The following RBPJ variants were observed in gnomAD, a reference collection of about 807,000 sequenced individuals.
The protein encoded by RBPJ is recombining binding protein suppressor of hairless.
Under a neutral mutation model 67.8 loss-of-function variants are expected in RBPJ, and 9 were observed. The observed-to-expected ratio is 0.13, with a 90% CI of 0.08 to 0.23. The LOEUF (loss-of-function observed/expected upper bound fraction) is 0.23, where lower values mean the gene tolerates loss of function less well. RBPJ is among the 10% of genes least tolerant of loss of function. The pLI, the probability that RBPJ is intolerant of heterozygous loss-of-function variation, is 1.00. For synonymous variants in RBPJ, 198 were observed against 203.3 expected (o/e 0.97, Z 0.22); for missense variants, 305 against 595.6 (o/e 0.51, Z 5.08).
intron 1 of RBPJ, among the ~76,000 whole-genome samples, chr4:26,212,432 C>CTTTTTTTTTTTTTTT (rs370447105): frequency 2.7e-5 from 3 of 112,234 alleles, no homozygotes; most frequent in Admixed American, 9.8e-5. Flanking sequence ...CTTTTCTTTT[C>CTTTTTTTTTTTTTTT]TTTTTTTTTT....
chr4:26,322,564 C>T (rs990077111), intron 1 of RBPJ, among the ~76,000 whole-genome samples: 4 of 151,926 alleles, frequency 2.6e-5, no homozygotes, highest in African/African-American at 9.7e-5. Flanking sequence ...AGGACAGCAC[C>T]GAAGAGTGCA....
chr4:26,336,338 G>A (rs539449852), intron 1 of RBPJ, among the ~76,000 whole-genome samples: 1 of 152,126 alleles, frequency 6.6e-6, no homozygotes, highest in Non-Finnish European at 1.5e-5. Context: ...ATTATTTAGA[G>A]ATCTAGGTAC....
chr4:26,283,135 T>C (rs2109277256), intron 1 of RBPJ, among the ~76,000 whole-genome samples: 1 of 148,828 alleles, frequency 6.7e-6, no homozygotes, highest in Middle Eastern at 3.5e-3. Context: ...TTCACCGTGT[T>C]AGCCAGGATG....
chr4:26,294,551 C>T (rs1357092984), intron 1 of RBPJ, among the ~76,000 whole-genome samples: 4 of 152,028 alleles, frequency 2.6e-5, no homozygotes, highest in African/African-American at 9.7e-5. Flanking sequence ...GGTGATGGTG[C>T]CCCGGACTAG....
At chr4:26,354,177 CGCCTCG>C (rs1019442333) in intron 1 of RBPJ, among the ~76,000 whole-genome samples, 113 of 149,718 alleles carry the variant, frequency 7.5e-4, no homozygotes, top group African/African-American at 2.7e-3. Context: ...GTGATCCACC[CGCCTCG>C]GCCTCCCAAA....
intron 8 of RBPJ, 55 bp downstream of exon 8, chr4:26,428,915 G>A: frequency 7.1e-7 from 1 of 1,405,084 alleles, no homozygotes; most frequent in Non-Finnish European, 9.9e-7. Context: ...GAGGTTAGCA[G>A]CTTGCAAAAA....
At chr4:26,223,587 C>T (rs1486751665) in intron 1 of RBPJ, among the ~76,000 whole-genome samples, 2 of 152,176 alleles carry the variant, frequency 1.3e-5, no homozygotes, top group African/African-American at 4.8e-5. Context: ...TTCAGAGAGG[C>T]TGGAGTGAGC....
At chr4:26,382,576 C>T (rs1437652503) in intron 1 of RBPJ, among the ~76,000 whole-genome samples, 1 of 152,058 alleles carries the variant, frequency 6.6e-6, no homozygotes, top group African/African-American at 2.4e-5. Context: ...GGGTCTCAAT[C>T]CTGTTGCCCA....
intron 2 of RBPJ, among the ~76,000 whole-genome samples, chr4:26,393,725 A>G (rs781339107): frequency 1.3e-5 from 2 of 152,008 alleles, no homozygotes; most frequent in Non-Finnish European, 2.9e-5. Flanking sequence ...TCCTTTAAAG[A>G]ATATTCAAGT....
chr4:26,168,360 G>A (rs1716404727), intron 1 of RBPJ, among the ~76,000 whole-genome samples: 1 of 152,100 alleles, frequency 6.6e-6, no homozygotes, highest in African/African-American at 2.4e-5. Flanking sequence ...ATGAAATTCT[G>A]GGTTGTAAAT....
intron 1 of RBPJ, among the ~76,000 whole-genome samples, chr4:26,230,100 G>A (rs1279179504): frequency 6.6e-6 from 1 of 151,818 alleles, no homozygotes; most frequent in Non-Finnish European, 1.5e-5. Flanking sequence ...TGAGGTGGGA[G>A]GATCAAGGGA....
intron 1 of RBPJ, among the ~76,000 whole-genome samples, chr4:26,359,094 A>C (rs1727728647): frequency 6.6e-6 from 1 of 152,182 alleles, no homozygotes; most frequent in Non-Finnish European, 1.5e-5. Context: ...TGCTGTCATA[A>C]GTGCTGGAGG....
intron 1 of RBPJ, among the ~76,000 whole-genome samples, chr4:26,238,342 A>T (rs1719518577): frequency 6.6e-6 from 1 of 152,224 alleles, no homozygotes. Context: ...GATTACAGGC[A>T]TGAGCCACCA....
intron 1 of RBPJ, among the ~76,000 whole-genome samples, chr4:26,224,462 G>T (rs1560218351): frequency 6.6e-6 from 1 of 152,130 alleles, no homozygotes; most frequent in African/African-American, 2.4e-5. Context: ...TTTCAACGTA[G>T]GTTCTTTTCT....
intron 1 of RBPJ, among the ~76,000 whole-genome samples, chr4:26,313,132 A>C (rs958809811): frequency 9.2e-5 from 14 of 152,168 alleles, no homozygotes; most frequent in African/African-American, 2.4e-4. Flanking sequence ...TATATTGTCC[A>C]GGCTGGTCTT....
At chr4:26,362,179 CTT>C (rs1560294423) in intron 1 of RBPJ, among the ~76,000 whole-genome samples, 1 of 152,164 alleles carries the variant, frequency 6.6e-6, no homozygotes, top group Non-Finnish European at 1.5e-5. Context: ...TCAGACCAGT[CTT>C]TTAAGTAATT....
At chr4:26,204,069 C>T (rs968387488) in intron 1 of RBPJ, among the ~76,000 whole-genome samples, 12 of 152,236 alleles carry the variant, frequency 7.9e-5, no homozygotes, top group East Asian at 7.7e-4. Context: ...CTCAGCCTCC[C>T]GAGTAGCTGG....
At chr4:26,202,215 T>C (rs987138840) in intron 1 of RBPJ, among the ~76,000 whole-genome samples, 2 of 151,890 alleles carry the variant, frequency 1.3e-5, no homozygotes, top group Non-Finnish European at 2.9e-5. Flanking sequence ...CAACCTACAA[T>C]GATCATTTCC....
At chr4:26,329,523 G>A (rs1166295343) in intron 1 of RBPJ, among the ~76,000 whole-genome samples, 1 of 152,080 alleles carries the variant, frequency 6.6e-6, no homozygotes, top group African/African-American at 2.4e-5. Context: ...CTTAAGCTAG[G>A]TCTTTTCCTT....
Sources: gnomAD v4.1 joint callset for allele counts (sites outside exome capture counted in the v4.1 genomes callset) on GRCh38, gnomAD v4.1.1 for gene constraint, MANE v1.5 for transcripts, NCBI Gene and HGNC (gene_info 2026-07-23, HGNC 2026-07-21) for gene names.